Variants in CEP192 observed in about 807,000 individuals in gnomAD.
CEP192 encodes the protein centrosomal protein 192.
Under a neutral mutation model 271.8 loss-of-function variants are expected in CEP192, and 151 were observed. The ratio of observed to expected loss-of-function variants is 0.56; its 90% CI spans 0.49 to 0.64. The LOEUF (loss-of-function observed/expected upper bound fraction) is 0.64, where lower values mean the gene tolerates loss of function less well. Among genes scored for constraint, CEP192 ranks in the 30% least tolerant of loss-of-function variants. The pLI is 0.00. For missense variants in CEP192, 2,910 were observed against 3,020.5 expected, an observed-to-expected ratio of 0.96 and a Z score of 0.86; for synonymous variants, 995 against 1,076.5, an observed-to-expected ratio of 0.92 and a Z score of 1.48.
intron 30 of CEP192, among the ~76,000 whole-genome samples, chr18:13,084,865 G>A (rs1323008998): frequency 6.6e-6 from 1 of 151,608 alleles, no homozygotes; most frequent in African/African-American, 2.4e-5. Context: ...CCAGGCTGGA[G>A]TGCAGTGGTA....
At chr18:13,024,263 CTT>C (rs1484661055) in intron 9 of CEP192, 3 of 453,668 alleles carry the variant, frequency 6.6e-6, no homozygotes, top group Admixed American at 4.8e-5. Context: ...TCTCTGATAA[CTT>C]TCCCTACTTT....
At position 13,098,440 on chromosome 18, in the gene CEP192, G is replaced by A. The variant is rs371096160; in HGVS notation, c.6558-1036G>A. On this transcript the variant is annotated intron_variant, in intron 36 of 44. Coordinates refer to ENST00000506447, the MANE Select transcript of CEP192 (RefSeq NM_032142.4). ...TTCTCAGACGGGGCGGCTGCCGGGC[G>A]GAGGGTCTCCTCACTTCTCAGACGG... Among the ~76,000 whole-genome samples the A allele has an allele frequency of 3.7e-3, 531 of 145,124 alleles. 5 individuals carry two copies. In the East Asian group the frequency reaches 0.045, roughly 12 times the overall value.
intron 4 of CEP192, among the ~76,000 whole-genome samples, chr18:13,011,959 TACTC>T (rs777378438): frequency 2.6e-5 from 4 of 152,232 alleles, no homozygotes. Context: ...AGTGGAGTAT[TACTC>T]ATCCACAAAA....
intron 9 of CEP192, among the ~76,000 whole-genome samples, chr18:13,024,123 C>A (rs1011609645): frequency 2.0e-5 from 3 of 152,052 alleles, no homozygotes; most frequent in African/African-American, 7.2e-5. Flanking sequence ...TCATCTATTT[C>A]TCTTTGTAGT....
intron 34 of CEP192, among the ~76,000 whole-genome samples, chr18:13,092,777 C>A (rs67432911): frequency 0.14 from 20,751 of 152,086 alleles, 1,545 homozygotes; most frequent in East Asian, 0.31. Flanking sequence ...ACCTTATCAT[C>A]CTCTATTTGT....
rs1286362680 is a variant in CEP192 at position 13,087,659 on chromosome 18, T to C, written c.5993+13T>C. 4 of 1,329,408 alleles carry C rather than the reference T, an allele frequency of 3.0e-6. No individual in the cohort carries two copies. In the African/African-American group the frequency reaches 6.0e-5, roughly 20 times the overall value. The allele number at this position is 1,329,408 out of a possible 1,614,324, so 82.4% of individuals were successfully genotyped here. A position where few individuals can be genotyped will look rare whatever the true frequency, so the allele number is the denominator to read the frequency against. On this transcript the variant is annotated intron_variant, in intron 32 of 44. Coordinates refer to ENST00000506447, the MANE Select transcript of CEP192 (RefSeq NM_032142.4). ...AGCAGTATCGCAGGTAGATTACTTATCTTACACAATGTTGGGAACCATTCA... is the reference window on the plus strand; with the variant it reads ...AGCAGTATCGCAGGTAGATTACTTACCTTACACAATGTTGGGAACCATTCA...
Position 13,030,130 on chromosome 18 carries a change from A to C in CEP192, c.1390+128A>C. The C allele has an allele frequency of 1.3e-5, 10 of 779,978 alleles. No individual in the cohort carries two copies. In the South Asian group the frequency reaches 1.8e-4, roughly 14 times the overall value. The allele number at this position is 779,978 out of a possible 1,614,324, so 48.3% of individuals were successfully genotyped here. A position where few individuals can be genotyped will look rare whatever the true frequency, so the allele number is the denominator to read the frequency against. On this transcript the variant is annotated intron_variant, in intron 10 of 44. Transcript: ENST00000506447. ...ATTTTAGTGTTTTATAGTTTAAACA[A>C]AATTTTAAATCTACTTGTACAGGGA...
chr18:13,093,516 T>A (rs1445282950), intron 34 of CEP192, among the ~76,000 whole-genome samples: 2 of 152,224 alleles, frequency 1.3e-5, no homozygotes, highest in Non-Finnish European at 2.9e-5. Flanking sequence ...ATCAAAGACT[T>A]CATCCAGAAT....
At chr18:13,080,672 A>G (rs1350800489) in intron 30 of CEP192, among the ~76,000 whole-genome samples, 2 of 152,140 alleles carry the variant, frequency 1.3e-5, no homozygotes, top group Admixed American at 6.6e-5. Flanking sequence ...TTCCACCACT[A>G]TGTTGAATAG....
intron 11 of CEP192, 87 bp downstream of exon 11, chr18:13,030,695 C>G (rs1477629578): frequency 9.7e-7 from 1 of 1,031,296 alleles, no homozygotes; most frequent in African/African-American, 1.6e-5. Context: ...TCAGCCACAT[C>G]AGATCCCTTC....
chr18:13,058,930 A>G lies in CEP192; in HGVS notation c.4258-152A>G. The G allele has an allele frequency of 4.8e-6, 3 of 622,208 alleles. No individual in the cohort carries two copies. In the South Asian group the frequency reaches 6.0e-5, roughly 12 times the overall value. The allele number at this position is 622,208 out of a possible 1,614,324, so 38.5% of individuals were successfully genotyped here. ...TTTGACTCGTTGTACTTCAGAGACC[A>G]TAAATGACAAGGTTTTGACATTTTT... On this transcript the variant is annotated intron_variant, in intron 20 of 44. Coordinates refer to ENST00000506447, the MANE Select transcript of CEP192 (RefSeq NM_032142.4).
At position 13,103,596 on chromosome 18, in the gene CEP192, A is replaced by G; in HGVS notation, c.6951+8A>G. On this transcript the variant is annotated splice_region_variant and intron_variant, in intron 39 of 44. Coordinates refer to ENST00000506447, the MANE Select transcript of CEP192 (RefSeq NM_032142.4). ...GCGCCACCTTATGTCAAGGTCAGTCATGACTGCCTCAGATATAATCGTTTT... is the reference window on the plus strand; with the variant it reads ...GCGCCACCTTATGTCAAGGTCAGTCGTGACTGCCTCAGATATAATCGTTTT... 1 of 1,598,210 alleles carries G rather than the reference A, an allele frequency of 6.3e-7. No homozygotes were observed. The highest frequency in any genetic ancestry group is 8.6e-7 in the Non-Finnish European group (1 of 1,165,460).
chr18:13,120,542 T>A (rs2040613951), intron 44 of CEP192, among the ~76,000 whole-genome samples: 1 of 152,244 alleles, frequency 6.6e-6, no homozygotes, highest in Admixed American at 6.5e-5. Flanking sequence ...AAGCAAAATT[T>A]GGACAGTTCA....
At chr18:13,077,176 A>AT (rs1248680195) in intron 30 of CEP192, among the ~76,000 whole-genome samples, 1 of 152,250 alleles carries the variant, frequency 6.6e-6, no homozygotes, top group Non-Finnish European at 1.5e-5. Context: ...AGTTAAGTAC[A>AT]TAACAACTCG....
intron 29 of CEP192, 41 bp from the exon 30 acceptor site, chr18:13,072,968 T>C: frequency 1.3e-6 from 2 of 1,578,442 alleles, no homozygotes; most frequent in Non-Finnish European, 1.7e-6. Context: ...TTATTTGTGC[T>C]ACTGCTTTGT....
intron 38 of CEP192, among the ~76,000 whole-genome samples, chr18:13,101,462 G>A (rs2039700982): frequency 6.6e-6 from 1 of 152,164 alleles, no homozygotes; most frequent in African/African-American, 2.4e-5. Context: ...CATGGTGTTT[G>A]TTGTCTATTA....
At chr18:13,056,755 C>T in intron 19 of CEP192, 57 bp downstream of exon 19, 2 of 1,389,572 alleles carry the variant, frequency 1.4e-6, no homozygotes, top group Non-Finnish European at 2.0e-6. Context: ...AATGACACCA[C>T]AAAGCTAGTT....
At chr18:13,015,001 C>T (rs566899327) in intron 5 of CEP192, among the ~76,000 whole-genome samples, 30 of 152,270 alleles carry the variant, frequency 2.0e-4, no homozygotes, top group Admixed American at 1.2e-3. Flanking sequence ...GTTATCTTCA[C>T]TTTCTCGTAA....
intron 35 of CEP192, 83 bp from the exon 36 acceptor site, chr18:13,096,101 G>T: frequency 7.2e-7 from 1 of 1,390,370 alleles, no homozygotes; most frequent in South Asian, 1.3e-5. Flanking sequence ...TATCTATTTA[G>T]GGTTCTGGTT....
Sources: gnomAD v4.1 joint callset for allele counts (sites outside exome capture counted in the v4.1 genomes callset) on GRCh38, gnomAD v4.1.1 for gene constraint, MANE v1.5 for transcripts, NCBI Gene and HGNC (gene_info 2026-07-23, HGNC 2026-07-21) for gene names.